Variants in PIBF1 observed in about 807,000 individuals in gnomAD.
The protein encoded by PIBF1 is progesterone immunomodulatory binding factor 1.
In PIBF1, 90 loss-of-function variants were observed where a neutral mutation model predicts 112.5. The observed-to-expected ratio is 0.80, with a 90% CI of 0.67 to 0.95. The LOEUF is 0.95. PIBF1 is among the 40% of genes least tolerant of loss of function. The pLI is 0.00. For synonymous variants in PIBF1, 301 were observed against 288.6 expected (o/e 1.04, Z -0.44); for missense variants, 915 against 852.3 (o/e 1.07, Z -0.92).
intron 11 of PIBF1, among the ~76,000 whole-genome samples, chr13:72,900,136 C>T (rs937573416): frequency 2.0e-5 from 3 of 152,120 alleles, no homozygotes; most frequent in African/African-American, 7.2e-5. Flanking sequence ...ATCCCATGCT[C>T]ACGGATGTGT....
chr13:72,878,862 C>T (rs1043417520), intron 10 of PIBF1, among the ~76,000 whole-genome samples: 1 of 152,048 alleles, frequency 6.6e-6, no homozygotes. Context: ...CATGTAGTGC[C>T]CCTCTTTATC....
chr13:72,896,221 T>C (rs2040276808), intron 11 of PIBF1, among the ~76,000 whole-genome samples: 1 of 152,202 alleles, frequency 6.6e-6, no homozygotes, highest in Admixed American at 6.5e-5. Context: ...GCATTTTGGC[T>C]CACGGGAAGC....
intron 16 of PIBF1, among the ~76,000 whole-genome samples, chr13:72,995,533 A>G (rs1045856833): frequency 6.6e-6 from 1 of 152,160 alleles, no homozygotes; most frequent in African/African-American, 2.4e-5. Context: ...CAGTGGGGGA[A>G]AAAATGGTCT....
chr13:72,999,366 A>T (rs2043785091), intron 17 of PIBF1, among the ~76,000 whole-genome samples: 1 of 152,146 alleles, frequency 6.6e-6, no homozygotes, highest in African/African-American at 2.4e-5. Context: ...TAGAGAAAAT[A>T]AATTAGGAAA....
At chr13:72,970,672 T>C (rs1463748073) in intron 15 of PIBF1, 1 of 152,198 alleles carries the variant, frequency 6.6e-6, no homozygotes, top group Non-Finnish European at 1.5e-5. Context: ...TTGTAGTTGT[T>C]TTATGAGTCA....
intron 16 of PIBF1, among the ~76,000 whole-genome samples, chr13:72,996,978 T>G (rs1278220272): frequency 1.3e-5 from 2 of 152,210 alleles, no homozygotes. Context: ...CTGCTAATAT[T>G]TTTTGTACAG....
intron 12 of PIBF1, among the ~76,000 whole-genome samples, chr13:72,909,719 C>T (rs1594175555): frequency 2.0e-5 from 3 of 152,016 alleles, no homozygotes; most frequent in South Asian, 2.1e-4. Flanking sequence ...CTCAAACTCC[C>T]GACCTCAGGT....
At chr13:72,999,140 T>A in intron 17 of PIBF1, 145 bp downstream of exon 17, 2 of 567,496 alleles carry the variant, frequency 3.5e-6, no homozygotes, top group Non-Finnish European at 6.2e-6. Flanking sequence ...TTTGCATTAA[T>A]CCATTTTCTA....
At chr13:72,929,895 G>A (rs905950812) in intron 13 of PIBF1, among the ~76,000 whole-genome samples, 2 of 152,010 alleles carry the variant, frequency 1.3e-5, no homozygotes, top group African/African-American at 2.4e-5. Context: ...GGGTCTCTGT[G>A]TCACCCCAGG....
intron 14 of PIBF1, among the ~76,000 whole-genome samples, chr13:72,960,962 C>T (rs1322047227): frequency 3.3e-5 from 5 of 151,472 alleles, no homozygotes; most frequent in Non-Finnish European, 7.4e-5. Context: ...TTCTTTATGG[C>T]TCCACTTTCA....
chr13:72,951,990 A>C (rs576980478), intron 14 of PIBF1, among the ~76,000 whole-genome samples: 21 of 150,124 alleles, frequency 1.4e-4, no homozygotes, highest in African/African-American at 4.4e-4. Context: ...GAGCCACTGC[A>C]TCCAGCTTTA....
chr13:72,800,075 G>A (rs1031430823), intron 5 of PIBF1, among the ~76,000 whole-genome samples: 2 of 152,158 alleles, frequency 1.3e-5, no homozygotes, highest in East Asian at 3.9e-4. Flanking sequence ...TTGCTCAGTC[G>A]CCCCAGCTGG....
intron 9 of PIBF1, among the ~76,000 whole-genome samples, chr13:72,852,375 A>G (rs1404587532): frequency 6.6e-6 from 1 of 152,120 alleles, no homozygotes; most frequent in Non-Finnish European, 1.5e-5. Context: ...GGAGCCGCCT[A>G]CCCCACGGCA....
Position 72,816,556 on chromosome 13 carries a change from G to A in PIBF1, c.673-5293G>A, listed in dbSNP as rs193146727. On this transcript the variant is annotated intron_variant, in intron 5 of 17. Coordinates refer to ENST00000326291, the MANE Select transcript of PIBF1 (RefSeq NM_006346.4). Reference sequence around the variant, plus strand: ...CATGCCTGTAGACCCAGCTACTTGGGAGGCTGAGGTGGGAGGATCATCTGA... The same window carrying A: ...CATGCCTGTAGACCCAGCTACTTGGAAGGCTGAGGTGGGAGGATCATCTGA... 2.3e-3 allele frequency among the ~76,000 whole-genome samples: 343 copies of A among 152,008 alleles called. 1 individual carries two copies. The highest frequency in any genetic ancestry group is 4.1e-3 in the East Asian group (21 of 5,148).
intron 11 of PIBF1, among the ~76,000 whole-genome samples, chr13:72,902,312 G>C (rs945760047): frequency 1.3e-5 from 2 of 151,744 alleles, no homozygotes; most frequent in Non-Finnish European, 2.9e-5. Flanking sequence ...GGTGCACCAG[G>C]ATCTCACAAA....
At chr13:72,832,175 G>T (rs150622334) in intron 8 of PIBF1, among the ~76,000 whole-genome samples, 2 of 136,332 alleles carry the variant, frequency 1.5e-5, no homozygotes, top group African/African-American at 5.4e-5. Flanking sequence ...CAAATGAGAT[G>T]TGTCTCCTGA....
At chr13:72,858,766 C>T (rs892440085) in intron 10 of PIBF1, among the ~76,000 whole-genome samples, 5 of 152,048 alleles carry the variant, frequency 3.3e-5, no homozygotes, top group African/African-American at 9.7e-5. Flanking sequence ...TACTTATATA[C>T]AAGTTTCAAA....
chr13:72,783,030 A>T (rs113394503), intron 1 of PIBF1, among the ~76,000 whole-genome samples: 2 of 152,054 alleles, frequency 1.3e-5, no homozygotes, highest in Non-Finnish European at 2.9e-5. Context: ...TGCCTGTCCA[A>T]ATCTTTAAAG....
rs574647979 is a variant in PIBF1, at chr13:72,874,280, T to A, written c.1323-19504T>A. 1.7e-3 allele frequency among the ~76,000 whole-genome samples: 254 copies of A among 152,312 alleles called. 1 individual carries two copies. Among genetic ancestry groups the A allele is most frequent in the Non-Finnish European group, 3.0e-3 (202 of 68,020 alleles). ...ACTCAAGAGAAATGAAAAACCTATA[T>A]ACATATAAAGACTTCTGTGTAAATG... On this transcript the variant is annotated intron_variant, in intron 10 of 17. Transcript: ENST00000326291.
Sources: allele counts gnomAD v4.1 joint callset (sites outside exome capture counted in the v4.1 genomes callset), GRCh38; gene constraint gnomAD v4.1.1; transcripts MANE v1.5; gene names NCBI Gene and HGNC (gene_info 2026-07-23, HGNC 2026-07-21).